The following SPTBN1 variants were observed in gnomAD, a reference collection of about 807,000 sequenced individuals.
SPTBN1 encodes spectrin beta chain, non-erythrocytic 1.
Under a neutral mutation model 266.4 loss-of-function variants are expected in SPTBN1, and 32 were observed. That is an observed-to-expected ratio of 0.12 (90% CI 0.09 to 0.16). The LOEUF (loss-of-function observed/expected upper bound fraction) is 0.16. SPTBN1 is among the 10% of genes least tolerant of loss of function. The pLI is 1.00. For missense variants in SPTBN1, 2,296 were observed against 3,067.1 expected (o/e 0.75, Z 5.94); for synonymous variants, 1,336 against 1,162.2 (o/e 1.15, Z -3.04).
intron 2 of SPTBN1, among the ~76,000 whole-genome samples, chr2:54,571,562 CACACACACACACAT>C (rs796170395): frequency 0.066 from 4,816 of 72,888 alleles, 200 homozygotes; most frequent in African/African-American, 0.23. Flanking sequence ...CACACACACA[CACACACACACACAT>C]ACACACACAC....
chr2:54,459,976 A>C (rs1202753586), intron 1 of SPTBN1, among the ~76,000 whole-genome samples: 1 of 152,208 alleles, frequency 6.6e-6, no homozygotes, highest in African/African-American at 2.4e-5. Context: ...TCAGTGGTTA[A>C]AGGAAATTAC....
chr2:54,604,513 G>A (rs1676706554), intron 3 of SPTBN1, among the ~76,000 whole-genome samples: 1 of 152,174 alleles, frequency 6.6e-6, no homozygotes, highest in African/African-American at 2.4e-5. Context: ...GCCCCAGGAG[G>A]GATCACCCAG....
intron 4 of SPTBN1, 22 bp from the exon 5 acceptor site, chr2:54,616,185 A>G: frequency 6.2e-7 from 1 of 1,608,848 alleles, no homozygotes; most frequent in Non-Finnish European, 8.5e-7. Context: ...CTATTTGTCT[A>G]ATATTTCTTT....
intron 1 of SPTBN1, among the ~76,000 whole-genome samples, chr2:54,507,480 G>A (rs1669635820): frequency 6.6e-6 from 1 of 152,098 alleles, no homozygotes. Context: ...TGTGGTAAGG[G>A]GTGATAATTG....
chr2:54,548,667 A>G (rs972356467), intron 2 of SPTBN1, among the ~76,000 whole-genome samples: 12 of 152,148 alleles, frequency 7.9e-5, no homozygotes, highest in African/African-American at 2.4e-4. Context: ...AATCTCCAGC[A>G]TGCCGGTAGC....
intron 2 of SPTBN1, among the ~76,000 whole-genome samples, chr2:54,562,696 T>TGTGTGTGTGTG (rs1673390172): frequency 1.6e-5 from 2 of 122,598 alleles, no homozygotes; most frequent in African/African-American, 3.6e-5. Flanking sequence ...AAACCCTGCT[T>TGTGTGTGTGTG]TGTGTGTGTG....
At chr2:54,466,888 T>A (rs925581900) in intron 1 of SPTBN1, among the ~76,000 whole-genome samples, 7 of 152,246 alleles carry the variant, frequency 4.6e-5, no homozygotes, top group African/African-American at 7.2e-5. Flanking sequence ...AATGAAGATA[T>A]AAAGAACACT....
intron 2 of SPTBN1, among the ~76,000 whole-genome samples, chr2:54,563,328 A>G (rs1009010152): frequency 6.6e-6 from 1 of 152,150 alleles, no homozygotes; most frequent in African/African-American, 2.4e-5. Flanking sequence ...TTGCAGCCAG[A>G]TGCTGACACT....
intron 1 of SPTBN1, among the ~76,000 whole-genome samples, chr2:54,524,370 C>T (rs545602345): frequency 1.3e-5 from 2 of 152,160 alleles, no homozygotes; most frequent in East Asian, 3.9e-4. Context: ...TTAAAATATG[C>T]GGGAATTTAA....
intron 1 of SPTBN1, among the ~76,000 whole-genome samples, chr2:54,515,295 C>G (rs2104247793): frequency 6.6e-6 from 1 of 152,264 alleles, no homozygotes; most frequent in South Asian, 2.1e-4. Flanking sequence ...CTTGGGGAGA[C>G]TGTTTTAAGT....
At chr2:54,663,077 G>A (rs1442918047) in intron 32 of SPTBN1, 2 of 152,090 alleles carry the variant, frequency 1.3e-5, no homozygotes, top group East Asian at 3.8e-4. Context: ...GCTTTTTGTA[G>A]CCCTTTTTCC....
At chr2:54,498,255 T>A (rs1573277735) in intron 1 of SPTBN1, among the ~76,000 whole-genome samples, 1 of 152,224 alleles carries the variant, frequency 6.6e-6, no homozygotes, top group East Asian at 1.9e-4. Context: ...AAGACGGGAA[T>A]GTTCGGTAGA....
chr2:54,530,903 C>G (rs1671195333), intron 2 of SPTBN1, among the ~76,000 whole-genome samples: 1 of 152,004 alleles, frequency 6.6e-6, no homozygotes, highest in Non-Finnish European at 1.5e-5. Context: ...GGATAGTCTC[C>G]CATCCCTAGC....
At chr2:54,561,879 T>TAAA (rs56934076) in intron 2 of SPTBN1, among the ~76,000 whole-genome samples, 100 of 147,446 alleles carry the variant, frequency 6.8e-4, no homozygotes, top group Non-Finnish European at 9.1e-4. Context: ...TAAGTGTGAT[T>TAAA]AAAAAAAAAA....
chr2:54,625,811 G>A (rs990584561), intron 11 of SPTBN1, 121 bp from the exon 12 acceptor site: 6 of 1,099,184 alleles, frequency 5.5e-6, no homozygotes, highest in Non-Finnish European at 6.5e-6. Flanking sequence ...GGCTAGTCTC[G>A]AACTCCTGAC....
In SPTBN1 at chr2:54,657,822, G is replaced by A. The variant is rs376040751; in HGVS notation, c.6047-28G>A. 99 of 1,613,562 alleles carry A rather than the reference G, an allele frequency of 6.1e-5. No homozygotes were observed. The African/African-American group carries it at 1.0e-3, about 16-fold the overall frequency. ...GACTGCCCGGCACCTCCTGGTCAAC[G>A]TGTACTAACTCATGGTACCCTGTGC... On this transcript the variant is annotated intron_variant, in intron 29 of 35. Transcript: ENST00000356805.
At chr2:54,575,152 G>C (rs1330230564) in intron 2 of SPTBN1, among the ~76,000 whole-genome samples, 1 of 152,186 alleles carries the variant, frequency 6.6e-6, no homozygotes, top group East Asian at 1.9e-4. Context: ...GGTAGATTTT[G>C]AGGTTTTTTT....
chr2:54,612,614 C>T (rs1028891176), intron 4 of SPTBN1, among the ~76,000 whole-genome samples: 3 of 152,164 alleles, frequency 2.0e-5, no homozygotes, highest in South Asian at 2.1e-4. Flanking sequence ...CATCCCAGCC[C>T]GCCACTTTGC....
At chr2:54,593,716 A>G (rs1675837772) in intron 2 of SPTBN1, among the ~76,000 whole-genome samples, 1 of 151,852 alleles carries the variant, frequency 6.6e-6, no homozygotes, top group Non-Finnish European at 1.5e-5. Context: ...CCATCCCAAC[A>G]GATGGAGAGT....
Sources: allele counts gnomAD v4.1 joint callset (sites outside exome capture counted in the v4.1 genomes callset), GRCh38; gene constraint gnomAD v4.1.1; transcripts MANE v1.5; gene names NCBI Gene and HGNC (gene_info 2026-07-23, HGNC 2026-07-21).